Variants in PDLIM5 observed in about 807,000 individuals in gnomAD.
PDLIM5 encodes PDZ and LIM domain 5, also known as PDZ and LIM domain protein 5.
In PDLIM5, 34 loss-of-function variants were observed where a neutral mutation model predicts 64.2. The observed-to-expected ratio is 0.53, with a 90% confidence interval of 0.40 to 0.71. PDLIM5 has a LOEUF of 0.71. Ranked by LOEUF, PDLIM5 falls within the 30% of genes least tolerant of loss-of-function variation. PDLIM5 has a pLI of 0.00. For synonymous variants in PDLIM5, 253 were observed against 269.1 expected (o/e 0.94, Z 0.59); for missense variants, 683 against 733.6 (o/e 0.93, Z 0.80).
chr4:94,626,313 T>C (rs1182500381), intron 8 of PDLIM5, among the ~76,000 whole-genome samples: 10 of 152,174 alleles, frequency 6.6e-5, no homozygotes, highest in Non-Finnish European at 8.8e-5. Flanking sequence ...AACAGATATT[T>C]TTATAAGAAT....
chr4:94,495,024 C>T (rs889581851), intron 2 of PDLIM5, among the ~76,000 whole-genome samples: 1 of 151,822 alleles, frequency 6.6e-6, no homozygotes, highest in African/African-American at 2.4e-5. Flanking sequence ...GGATTACAGG[C>T]GTGAGCCACC....
chr4:94,563,958 C>CTT (rs796820308), intron 3 of PDLIM5, among the ~76,000 whole-genome samples: 14 of 119,358 alleles, frequency 1.2e-4, no homozygotes, highest in Non-Finnish European at 2.1e-4. Context: ...TTCTTTCTTT[C>CTT]TTTTTTTTTT....
intron 3 of PDLIM5, among the ~76,000 whole-genome samples, chr4:94,547,839 A>C (rs1732458534): frequency 6.6e-6 from 1 of 152,192 alleles, no homozygotes; most frequent in Admixed American, 6.5e-5. Flanking sequence ...TACTTTATGC[A>C]GGTGACTGCA....
intron 2 of PDLIM5, among the ~76,000 whole-genome samples, chr4:94,497,909 G>T (rs1727548686): frequency 6.6e-6 from 1 of 152,194 alleles, no homozygotes; most frequent in African/African-American, 2.4e-5. Flanking sequence ...TTTGGATGCT[G>T]AGAGAAGGAA....
In PDLIM5 at chr4:94,564,658, T is replaced by C. The variant is rs866969668; in HGVS notation, c.249-8693T>C. Among the ~76,000 whole-genome samples, 6 of 124,936 alleles carry C rather than the reference T, an allele frequency of 4.8e-5. No individual in the cohort carries two copies. In the East Asian group the frequency reaches 6.1e-4, roughly 13 times the overall value. 82.0% of individuals were successfully genotyped at this position (124,936 alleles called of 152,430 possible). On this transcript the variant is annotated intron_variant, in intron 3 of 12. Coordinates refer to ENST00000317968, the MANE Select transcript of PDLIM5 (RefSeq NM_006457.5). ...CCTTCAAAGGAGGAATTTTGTCTCTTTTTTTTTTTTTTTTTTTGACAGAGT... is the reference window on the plus strand; with the variant it reads ...CCTTCAAAGGAGGAATTTTGTCTCTCTTTTTTTTTTTTTTTTTGACAGAGT...
At chr4:94,588,431 C>T (rs1434423367) in intron 7 of PDLIM5, among the ~76,000 whole-genome samples, 15 of 152,202 alleles carry the variant, frequency 9.9e-5, no homozygotes, top group Admixed American at 6.5e-4. Context: ...GGCATGGTGG[C>T]GCATGCCTGT....
chr4:94,659,673 A>C (rs1045818694), intron 11 of PDLIM5, among the ~76,000 whole-genome samples: 1 of 151,072 alleles, frequency 6.6e-6, no homozygotes, highest in Non-Finnish European at 1.5e-5. Context: ...GACTACAGGC[A>C]CCCGCCACCA....
intron 2 of PDLIM5, among the ~76,000 whole-genome samples, chr4:94,500,264 T>G (rs1393670000): frequency 2.0e-5 from 3 of 152,216 alleles, no homozygotes; most frequent in Non-Finnish European, 4.4e-5. Flanking sequence ...CTGATTAAGT[T>G]TCTGCACCTG....
intron 7 of PDLIM5, among the ~76,000 whole-genome samples, chr4:94,603,296 G>A (rs1737641828): frequency 6.6e-6 from 1 of 152,208 alleles, no homozygotes. Flanking sequence ...ACTAAACCAT[G>A]CCAGAAAACA....
In PDLIM5 at chr4:94,632,540, G is replaced by A. The variant is rs137918807; in HGVS notation, c.1109-7736G>A. On this transcript the variant is annotated intron_variant, in intron 8 of 12. Transcript: ENST00000317968. ...GAAAAAAATTACTGTGTTGGGAGATGTGTGGTAGGGAAAATAATGCCCCTT... is the reference window on the plus strand; with the variant it reads ...GAAAAAAATTACTGTGTTGGGAGATATGTGGTAGGGAAAATAATGCCCCTT... Among the ~76,000 whole-genome samples the A allele has an allele frequency of 3.5e-4, 54 of 152,290 alleles. No individual in the cohort carries two copies. The South Asian group carries it at 4.1e-3, about 12-fold the overall frequency.
At chr4:94,563,158 A>C (rs1313536605) in intron 3 of PDLIM5, among the ~76,000 whole-genome samples, 1 of 152,202 alleles carries the variant, frequency 6.6e-6, no homozygotes, top group Non-Finnish European at 1.5e-5. Flanking sequence ...TTGAAAATTT[A>C]GCTGGCTTTT....
In PDLIM5 at chr4:94,664,762, CAA is replaced by C. The variant is rs1179200685; in HGVS notation, c.*696_*697del. ...GCACGCGCCTGTAATCCCAGCTACT[CAA>C]GAGGCTGAGGCACGAGAATCACTTG... On this transcript the variant is annotated 3_prime_UTR_variant, in exon 13 of 13. Transcript: ENST00000317968. 5.1e-6 allele frequency: 1 copy of C among 195,266 alleles called. No individual in the cohort carries two copies. The highest frequency in any genetic ancestry group is 2.4e-5 in the African/African-American group (1 of 42,124). 12.1% of individuals were successfully genotyped at this position (195,266 alleles called of 1,614,324 possible).
intron 2 of PDLIM5, among the ~76,000 whole-genome samples, chr4:94,508,571 A>T (rs1281216830): frequency 6.6e-6 from 1 of 152,210 alleles, no homozygotes; most frequent in Non-Finnish European, 1.5e-5. Context: ...GGATAGGAGA[A>T]CATACTTAGT....
At chr4:94,620,537 C>G (rs1739135143) in intron 8 of PDLIM5, among the ~76,000 whole-genome samples, 1 of 150,008 alleles carries the variant, frequency 6.7e-6, no homozygotes, top group Non-Finnish European at 1.5e-5. Context: ...GATACCTTGT[C>G]TCCAAAAAAA....
chr4:94,585,094 G>C, intron 5 of PDLIM5: 1 of 746,702 alleles, frequency 1.3e-6, no homozygotes, highest in Non-Finnish European at 2.2e-6. Context: ...AGGTTTTTTT[G>C]TTTTGTTTTT....
rs77155749 is a variant in PDLIM5, at chr4:94,617,670, A to T, written c.921-334A>T. Among the ~76,000 whole-genome samples the T allele has an allele frequency of 6.3e-3, 948 of 150,690 alleles. 13 individuals are homozygous for T. The highest frequency in any genetic ancestry group is 0.022 in the African/African-American group (912 of 41,070). On this transcript the variant is annotated intron_variant, in intron 7 of 12. Transcript: ENST00000317968. ...AAAAAAAAAAAAAAAAAAAAAGTAG[A>T]AGAAGAAAAAGAGTAACTGGTAAGG...
chr4:94,651,338 A>G (rs1741830437), intron 9 of PDLIM5, among the ~76,000 whole-genome samples: 1 of 152,188 alleles, frequency 6.6e-6, no homozygotes, highest in Admixed American at 6.5e-5. Flanking sequence ...TTAAAGGTGC[A>G]GTGGGAATTT....
chr4:94,513,760 G>A (rs1047304313), intron 2 of PDLIM5, among the ~76,000 whole-genome samples: 5 of 152,164 alleles, frequency 3.3e-5, no homozygotes, highest in Admixed American at 3.3e-4. Flanking sequence ...CCAGTACTGT[G>A]TTGAGTAAGA....
At chr4:94,521,614 C>G (rs6852173) in intron 2 of PDLIM5, among the ~76,000 whole-genome samples, 1 of 150,476 alleles carries the variant, frequency 6.6e-6, no homozygotes, top group Non-Finnish European at 1.5e-5. Flanking sequence ...CTCAAGAGAT[C>G]TAGTATGTAA....
Sources: gnomAD v4.1 joint callset for allele counts (sites outside exome capture counted in the v4.1 genomes callset) on GRCh38, gnomAD v4.1.1 for gene constraint, MANE v1.5 for transcripts, NCBI Gene and HGNC (gene_info 2026-07-23, HGNC 2026-07-21) for gene names.